The following TAOK1 variants were observed in gnomAD, a reference collection of about 807,000 sequenced individuals.
TAOK1 encodes TAO kinase 1, also known as serine/threonine-protein kinase TAO1.
In TAOK1, 21 loss-of-function variants were observed where a neutral mutation model predicts 138.3. That is an observed-to-expected ratio of 0.15 (90% confidence interval 0.11 to 0.22). The LOEUF (loss-of-function observed/expected upper bound fraction) is 0.22. Among genes scored for constraint, TAOK1 ranks in the 10% least tolerant of loss-of-function variants. The pLI is 1.00. For missense variants in TAOK1, 651 were observed against 1,227.7 expected, an observed-to-expected ratio of 0.53 and a Z score of 7.02; for synonymous variants, 361 against 398.4, an observed-to-expected ratio of 0.91 and a Z score of 1.12.
At chr17:29,500,427 C>A (rs1435669112) in intron 12 of TAOK1, among the ~76,000 whole-genome samples, 1 of 152,074 alleles carries the variant, frequency 6.6e-6, no homozygotes, top group Admixed American at 6.6e-5. Context: ...CCAAATTATT[C>A]ATCAACGGAT....
chr17:29,457,683 G>A (rs1406463704), intron 2 of TAOK1, among the ~76,000 whole-genome samples: 2 of 151,874 alleles, frequency 1.3e-5, no homozygotes, highest in African/African-American at 4.8e-5. Context: ...TGGGATTACA[G>A]GCGTGAGCCA....
At chr17:29,465,691 G>A (rs1567725825) in intron 2 of TAOK1, among the ~76,000 whole-genome samples, 2 of 152,000 alleles carry the variant, frequency 1.3e-5, no homozygotes, top group Non-Finnish European at 2.9e-5. Flanking sequence ...TGCACAGATG[G>A]TTTGAGATGG....
intron 1 of TAOK1, among the ~76,000 whole-genome samples, chr17:29,409,326 TATA>T (rs1905082123): frequency 4.0e-5 from 3 of 74,668 alleles, no homozygotes; most frequent in Non-Finnish European, 2.5e-5. Context: ...TATATATATA[TATA>T]TATATTTTTT....
chr17:29,399,465 G>A lies in TAOK1; in HGVS notation c.-95+8441G>A, dbSNP rs182681756. On this transcript the variant is annotated intron_variant, in intron 1 of 19. Transcript: ENST00000261716. ...CAAGTAGCTGGGACTACAGGCGCCC[G>A]CCACTATGCCTGGCTAAATTTTTGT... Among the ~76,000 whole-genome samples, 132 of 152,032 alleles carry A rather than the reference G, an allele frequency of 8.7e-4. 2 individuals carry two copies. Among genetic ancestry groups the A allele is most frequent in the African/African-American group, 2.2e-3 (91 of 41,482 alleles).
rs183623559 is a variant in TAOK1 at position 29,491,310 on chromosome 17, T to C, written c.750-474T>C. Among the ~76,000 whole-genome samples, 11 of 152,266 alleles carry C rather than the reference T, an allele frequency of 7.2e-5. No individual in the cohort carries two copies. In the East Asian group the frequency reaches 1.9e-3, roughly 27 times the overall value. On this transcript the variant is annotated intron_variant, in intron 9 of 19. Transcript: ENST00000261716. ...TTTAATGGAAGTCTTATCCATTTGC[T>C]CAGGGGCACCAAATACTCAGGTATA...
At chr17:29,439,245 C>G (rs953004422) in intron 1 of TAOK1, among the ~76,000 whole-genome samples, 2 of 143,890 alleles carry the variant, frequency 1.4e-5, no homozygotes, top group Admixed American at 6.8e-5. Context: ...CTCTCTTGCC[C>G]AGGCTGGAGT....
chr17:29,395,645 A>G (rs1904571577), intron 1 of TAOK1, among the ~76,000 whole-genome samples: 1 of 95,656 alleles, frequency 1.0e-5, no homozygotes, highest in African/African-American at 5.4e-5. Context: ...AGGTATGTGT[A>G]CTTTTTTTTT....
chr17:29,414,179 A>C (rs1905212858), intron 1 of TAOK1, among the ~76,000 whole-genome samples: 1 of 151,560 alleles, frequency 6.6e-6, no homozygotes, highest in Non-Finnish European at 1.5e-5. Flanking sequence ...CACCACGCCC[A>C]GCCTGTTTCT....
intron 1 of TAOK1, among the ~76,000 whole-genome samples, chr17:29,410,618 TGTTTTTTTTTTTTTTG>T (rs568980438): frequency 1.3e-3 from 150 of 119,362 alleles, no homozygotes; most frequent in Non-Finnish European, 2.2e-3. Flanking sequence ...TAGGGTTTTT[TGTTTTTTTTTTTTTTG>T]GTTTTTTTTT....
chr17:29,427,811 C>T (rs758726410), intron 1 of TAOK1, among the ~76,000 whole-genome samples: 2 of 151,664 alleles, frequency 1.3e-5, no homozygotes, highest in Admixed American at 6.6e-5. Flanking sequence ...CCTGTAATCA[C>T]AGCTGCTCAG....
intron 2 of TAOK1, among the ~76,000 whole-genome samples, chr17:29,457,703 G>T (rs1171757760): frequency 6.6e-6 from 1 of 151,976 alleles, no homozygotes; most frequent in Non-Finnish European, 1.5e-5. Context: ...ACTGCACCTT[G>T]CCTGAGTTTA....
intron 19 of TAOK1, among the ~76,000 whole-genome samples, chr17:29,541,533 T>C (rs1236528999): frequency 6.6e-6 from 1 of 151,226 alleles, no homozygotes; most frequent in Non-Finnish European, 1.5e-5. Flanking sequence ...CCCAGCACTT[T>C]GGGAGGCTGA....
At chr17:29,511,445 C>A in intron 15 of TAOK1, 1 of 152,496 alleles carries the variant, frequency 6.6e-6, no homozygotes, top group Non-Finnish European at 1.5e-5. Flanking sequence ...ACCATGTTAG[C>A]CAGGATGGTC....
intron 19 of TAOK1, among the ~76,000 whole-genome samples, chr17:29,537,506 ATTTT>A (rs35498725): frequency 1.6e-5 from 2 of 123,328 alleles, no homozygotes; most frequent in African/African-American, 3.0e-5. Context: ...ATGACCACTG[ATTTT>A]TTTTTTTTTT....
chr17:29,513,055 C>CA (rs2031751437), intron 15 of TAOK1: 1 of 47,860 alleles, frequency 2.1e-5, no homozygotes, highest in Non-Finnish European at 3.6e-5. Flanking sequence ...TTTAATTTAC[C>CA]CACCCCCCCC....
chr17:29,457,820 A>G (rs1197089090), intron 2 of TAOK1, among the ~76,000 whole-genome samples: 1 of 151,442 alleles, frequency 6.6e-6, no homozygotes, highest in Non-Finnish European at 1.5e-5. Context: ...AAAATTAACC[A>G]TAACAAAAGG....
At chr17:29,411,830 T>G (rs1598469595) in intron 1 of TAOK1, among the ~76,000 whole-genome samples, 2 of 152,320 alleles carry the variant, frequency 1.3e-5, no homozygotes, top group African/African-American at 2.4e-5. Flanking sequence ...ATGGAAAGTT[T>G]CCAGCATTCT....
chr17:29,424,299 T>C (rs1905561833), intron 1 of TAOK1, among the ~76,000 whole-genome samples: 1 of 151,436 alleles, frequency 6.6e-6, no homozygotes, highest in Non-Finnish European at 1.5e-5. Flanking sequence ...TAGCCAGGCA[T>C]GGTGGCGGGT....
chr17:29,541,715 G>T (rs1362413409), intron 19 of TAOK1, among the ~76,000 whole-genome samples: 1 of 151,176 alleles, frequency 6.6e-6, no homozygotes, highest in Admixed American at 6.6e-5. Context: ...TGCGGAGGTT[G>T]CAGTGAGCTG....
Sources: allele counts gnomAD v4.1 joint callset (sites outside exome capture counted in the v4.1 genomes callset), GRCh38; gene constraint gnomAD v4.1.1; transcripts MANE v1.5; gene names NCBI Gene and HGNC (gene_info 2026-07-23, HGNC 2026-07-21).